The following FZR1 variants were observed in gnomAD, a reference collection of about 807,000 sequenced individuals.
FZR1 encodes the protein fizzy-related protein homolog.
FZR1 carries 11 observed loss-of-function variants against 63.6 expected under a neutral mutation model. The observed-to-expected ratio is 0.17, with a 90% CI of 0.11 to 0.29. The LOEUF is 0.29. Among genes scored for constraint, FZR1 ranks in the 10% least tolerant of loss-of-function variants. The pLI is 1.00. For missense variants in FZR1, 440 were observed against 687.5 expected (o/e 0.64, Z 4.03); for synonymous variants, 328 against 297.9 (o/e 1.10, Z -1.04).
chr19:3,522,552 G>C (rs909742117), intron 1 of FZR1, among the ~76,000 whole-genome samples: 10 of 152,210 alleles, frequency 6.6e-5, no homozygotes, highest in African/African-American at 2.4e-4. Flanking sequence ...CTTAGAGCTG[G>C]TGTGGCTTGT....
Position 3,516,988 on chromosome 19 carries a change from T to TG in FZR1, c.-34-5963dup, listed in dbSNP as rs2083063050. 6.6e-6 allele frequency among the ~76,000 whole-genome samples: 1 copy of TG among 152,184 alleles called. No individual in the cohort carries two copies. The highest frequency in any genetic ancestry group is 1.5e-5 in the Non-Finnish European group (1 of 68,026). On this transcript the variant is annotated intron_variant, in intron 1 of 13. Coordinates refer to ENST00000441788, the MANE Select transcript of FZR1 (RefSeq NM_016263.4). This position sits in a 1 kb window ranked among gnomAD's most constrained non-coding sequence, Gnocchi z 6.0. ...GGGCAGCATCAGTGTTCTGGGGAAG[T>TG]GGGGGATGATATTTTAGCCAATCAC... is the stretch of plus-strand genomic sequence containing the variant.
intron 1 of FZR1, among the ~76,000 whole-genome samples, chr19:3,518,470 GAC>G (rs2083075080): frequency 1.3e-5 from 2 of 152,264 alleles, no homozygotes; most frequent in African/African-American, 4.8e-5. Flanking sequence ...CTCCCACCAG[GAC>G]ACGGGAAGGG....
Position 3,526,210 on chromosome 19 carries a change from C to T in FZR1, c.259+27C>T, listed in dbSNP as rs1309527834. 6.2e-7 allele frequency: 1 copy of T among 1,611,838 alleles called. No homozygotes were observed. The highest frequency in any genetic ancestry group is 8.5e-7 in the Non-Finnish European group (1 of 1,179,840). The stretch of plus-strand genomic sequence containing the variant: ...TTAGGGTCCCAGCCCATCCGCCCTG[C>T]AGGCCCCCACCCTGCCTTGCCCCGC... On this transcript the variant is annotated intron_variant, in intron 4 of 13. Coordinates refer to ENST00000441788, the MANE Select transcript of FZR1 (RefSeq NM_016263.4). The surrounding 1 kb of genome is among the most constrained non-coding windows in gnomAD (Gnocchi z 5.4).
In FZR1 at chr19:3,530,420, GCGCA is replaced by G. The variant is rs1568238963; in HGVS notation, c.655-371_655-368del. Among the ~76,000 whole-genome samples, 7 of 79,980 alleles carry G rather than the reference GCGCA, an allele frequency of 8.8e-5. No homozygotes were observed. In the South Asian group the frequency reaches 1.6e-3, roughly 18 times the overall value. 52.5% of individuals were successfully genotyped at this position (79,980 alleles called of 152,430 possible). A position where few individuals can be genotyped will look rare whatever the true frequency, so the allele number is the denominator to read the frequency against. ...AGCGGATGGGAGAGCGCATGGGAGA[GCGCA>G]TGGGAGAGCGGATGGGAGAGCGCAT... On this transcript the variant is annotated intron_variant, in intron 7 of 13. Coordinates refer to ENST00000441788, the MANE Select transcript of FZR1 (RefSeq NM_016263.4).
chr19:3,522,482 CT>C (rs1298287261), intron 1 of FZR1, among the ~76,000 whole-genome samples: 1 of 152,206 alleles, frequency 6.6e-6, no homozygotes, highest in Non-Finnish European at 1.5e-5. Context: ...CTTGGTCTAC[CT>C]GGGCCTGGAC....
intron 1 of FZR1, among the ~76,000 whole-genome samples, chr19:3,513,403 C>T (rs1038754497): frequency 2.6e-5 from 4 of 152,156 alleles, no homozygotes; most frequent in African/African-American, 7.2e-5. Flanking sequence ...TAGGACACTT[C>T]GCCTCCTGGG....
intron 8 of FZR1, among the ~76,000 whole-genome samples, 160 bp from the exon 9 acceptor site, chr19:3,531,554 G>T (rs980718143): frequency 4.6e-5 from 7 of 152,226 alleles, no homozygotes; most frequent in African/African-American, 1.7e-4. Context: ...TGCACTGAGG[G>T]GGGTTTATGC....
In FZR1 at chr19:3,525,144, C is replaced by A. The variant is rs542675339; in HGVS notation, c.70-724C>A. Reference sequence around the variant, plus strand: ...GGTACAGCTGTTGCGTGTCTTGTGCCGTCAAGGCCTGCGTCTGTGATCATC... The same window carrying A: ...GGTACAGCTGTTGCGTGTCTTGTGCAGTCAAGGCCTGCGTCTGTGATCATC... On this transcript the variant is annotated intron_variant, in intron 2 of 13. Coordinates refer to ENST00000441788, the MANE Select transcript of FZR1 (RefSeq NM_016263.4). This position sits in a 1 kb window ranked among gnomAD's most constrained non-coding sequence, Gnocchi z 4.2. Among the ~76,000 whole-genome samples, 2 of 152,284 alleles carry A rather than the reference C, an allele frequency of 1.3e-5. No homozygotes were observed. Among genetic ancestry groups the A allele is most frequent in the East Asian group, 1.9e-4 (1 of 5,168 alleles).
In FZR1 at chr19:3,534,926, T is replaced by C. The variant is rs187703877; in HGVS notation, c.*90T>C. The C allele has an allele frequency of 1.2e-3, 1,260 of 1,038,382 alleles. 1 individual carries two copies. The highest frequency in any genetic ancestry group is 2.8e-3 in the Middle Eastern group (14 of 4,978). 64.3% of individuals were successfully genotyped at this position (1,038,382 alleles called of 1,614,324 possible). On this transcript the variant is annotated 3_prime_UTR_variant, in exon 14 of 14. Coordinates refer to ENST00000441788, the MANE Select transcript of FZR1 (RefSeq NM_016263.4). ...GCATGGACTCTGCCTTCCCAGCGCTTGTCCCCCGAGGAAGGCGGCTGGGCG... is the reference window on the plus strand; with the variant it reads ...GCATGGACTCTGCCTTCCCAGCGCTCGTCCCCCGAGGAAGGCGGCTGGGCG...
At chr19:3,532,176 GGGGCGGGCGC>G (rs1037506746) in intron 10 of FZR1, 81 bp downstream of exon 10, 24 of 1,349,430 alleles carry the variant, frequency 1.8e-5, no homozygotes. Flanking sequence ...AGCCTGGGCT[GGGGCGGGCGC>G]GGGCGCGGGG....
In FZR1 at chr19:3,523,179, C is replaced by T. The variant is rs913826270; in HGVS notation, c.69+121C>T. Reference sequence around the variant, plus strand: ...CCCCACGGACCACTCAGGTCCCAGTCCCCCAGGTCACACGGGGCCTCCGCC... The same window carrying T: ...CCCCACGGACCACTCAGGTCCCAGTTCCCCAGGTCACACGGGGCCTCCGCC... On this transcript the variant is annotated intron_variant, in intron 2 of 13. Transcript: ENST00000441788. 7 of 744,080 alleles carry T rather than the reference C, an allele frequency of 9.4e-6. No individual in the cohort carries two copies. In the African/African-American group the frequency reaches 1.2e-4, roughly 13 times the overall value. The allele number at this position is 744,080 out of a possible 1,614,324, so 46.1% of individuals were successfully genotyped here.
At chr19:3,530,698 G>T (rs564786735) in intron 7 of FZR1, 94 bp from the exon 8 acceptor site, 1 of 878,240 alleles carries the variant, frequency 1.1e-6, no homozygotes, top group Non-Finnish European at 1.8e-6. Flanking sequence ...GTGGATGAGA[G>T]TGGATGGGTG....
intron 13 of FZR1, 69 bp downstream of exon 13, chr19:3,534,582 C>G: frequency 5.5e-6 from 6 of 1,100,888 alleles, no homozygotes; most frequent in Non-Finnish European, 6.8e-6. Flanking sequence ...CCTGTCCCCA[C>G]TGTCCTCGGG....
chr19:3,513,919 T>C (rs556873857), intron 1 of FZR1, among the ~76,000 whole-genome samples: 6 of 152,248 alleles, frequency 3.9e-5, no homozygotes, highest in East Asian at 1.9e-4. Context: ...AGATCCGTCA[T>C]TGGGATGTTT....
At chr19:3,511,687 C>T (rs1035928390) in intron 1 of FZR1, among the ~76,000 whole-genome samples, 12 of 152,128 alleles carry the variant, frequency 7.9e-5, no homozygotes, top group African/African-American at 1.9e-4. Flanking sequence ...TGGCAGGTGG[C>T]GGCGTGAGTA....
In FZR1 at chr19:3,525,427, G is replaced by GTTTTCTT. The variant is rs2083144111; in HGVS notation, c.70-436_70-430dup. ...GTGACTGTGTGGCTCCCCTCCTTGG[G>GTTTTCTT]TTTTCTTTTTTTTTTTTTTTTTTTT... On this transcript the variant is annotated intron_variant, in intron 2 of 13. Coordinates refer to ENST00000441788, the MANE Select transcript of FZR1 (RefSeq NM_016263.4). The surrounding 1 kb of genome is among the most constrained non-coding windows in gnomAD (Gnocchi z 4.2). Among the ~76,000 whole-genome samples, 19 of 105,024 alleles carry GTTTTCTT rather than the reference G, an allele frequency of 1.8e-4. No homozygotes were observed. The highest frequency in any genetic ancestry group is 8.0e-4 in the African/African-American group (18 of 22,580). 68.9% of individuals were successfully genotyped at this position (105,024 alleles called of 152,430 possible).
rs2083051075 is a variant in FZR1, at chr19:3,515,300, A to G, written c.-34-7656A>G. 6.6e-6 allele frequency among the ~76,000 whole-genome samples: 1 copy of G among 152,172 alleles called. No individual in the cohort carries two copies. Among genetic ancestry groups the G allele is most frequent in the South Asian group, 2.1e-4 (1 of 4,828 alleles). On this transcript the variant is annotated intron_variant, in intron 1 of 13. Coordinates refer to ENST00000441788, the MANE Select transcript of FZR1 (RefSeq NM_016263.4). This position sits in a 1 kb window ranked among gnomAD's most constrained non-coding sequence, Gnocchi z 4.6. ...GTTGTCTGTGCTCAGGAATTACTTA[A>G]CAGCAGCTTAAGATCCTGATTTCTC... is the stretch of plus-strand genomic sequence containing the variant.
Position 3,533,406 on chromosome 19 carries a change from C to G in FZR1, c.1347+8C>G, listed in dbSNP as rs1384073551. The G allele has an allele frequency of 6.4e-7, 1 of 1,565,436 alleles. No individual in the cohort carries two copies. Among genetic ancestry groups the G allele is most frequent in the Non-Finnish European group, 8.8e-7 (1 of 1,136,852 alleles). Reference sequence around the variant, plus strand: ...TACCGCGTGCTGTACCTGGTGAGTTCACGCCAGGCACTTCAAGGTGCCCCG... The same window carrying G: ...TACCGCGTGCTGTACCTGGTGAGTTGACGCCAGGCACTTCAAGGTGCCCCG... On this transcript the variant is annotated splice_region_variant and intron_variant, in intron 12 of 13. Transcript: ENST00000441788. This position sits in a 1 kb window ranked among gnomAD's most constrained non-coding sequence, Gnocchi z 4.9.
At position 3,526,701 on chromosome 19, in the gene FZR1, T is replaced by G. The variant is rs2286545; in HGVS notation, c.388-279T>G. ...TGGGGGTCCTGCCCGTAGGGGGCAG[T>G]ACTGGGTCCTCCCACAGGGCCCCAC... On this transcript the variant is annotated intron_variant, in intron 5 of 13. Coordinates refer to ENST00000441788, the MANE Select transcript of FZR1 (RefSeq NM_016263.4). The surrounding 1 kb of genome is among the most constrained non-coding windows in gnomAD (Gnocchi z 5.4). Among the ~76,000 whole-genome samples the G allele has an allele frequency of 6.6e-6, 1 of 151,956 alleles. No homozygotes were observed. The highest frequency in any genetic ancestry group is 1.5e-5 in the Non-Finnish European group (1 of 67,956).
Sources: allele counts gnomAD v4.1 joint callset (sites outside exome capture counted in the v4.1 genomes callset), GRCh38; gene constraint gnomAD v4.1.1; non-coding constraint Gnocchi (gnomAD v3.1); transcripts MANE v1.5; gene names NCBI Gene and HGNC (gene_info 2026-07-23, HGNC 2026-07-21).